The following ANGPT1 variants were observed in gnomAD, a reference collection of about 807,000 sequenced individuals.
ANGPT1 encodes the protein angiopoietin-1.
A neutral mutation model predicts 62.2 loss-of-function variants in ANGPT1; 17 were observed. The ratio of observed to expected loss-of-function variants is 0.27; its 90% CI spans 0.19 to 0.41. ANGPT1 has a LOEUF of 0.41. Among genes scored for constraint, ANGPT1 ranks in the 10% least tolerant of loss-of-function variants. The pLI is 1.00. For missense variants in ANGPT1, 478 were observed against 594.9 expected (o/e 0.80, Z 2.04); for synonymous variants, 199 against 198.9 (o/e 1.00, Z 0.00).
intron 4 of ANGPT1, among the ~76,000 whole-genome samples, chr8:107,306,582 G>A (rs1345156306): frequency 6.6e-6 from 1 of 151,980 alleles, no homozygotes; most frequent in East Asian, 1.9e-4. Flanking sequence ...TATAAAACTG[G>A]ACACCTAGGA....
chr8:107,380,584 T>A (rs1816618000), intron 1 of ANGPT1, among the ~76,000 whole-genome samples: 1 of 152,178 alleles, frequency 6.6e-6, no homozygotes. Flanking sequence ...ATAGCCAGTG[T>A]GAGTTCACCA....
intron 8 of ANGPT1, among the ~76,000 whole-genome samples, chr8:107,263,374 A>T (rs1249687769): frequency 1.4e-5 from 2 of 145,122 alleles, no homozygotes; most frequent in Non-Finnish European, 3.1e-5. Flanking sequence ...AAAAAAAAAA[A>T]AAAAGGAAGT....
rs1563591119 is a variant in ANGPT1, at chr8:107,370,392, GAAAGAAAGAAA to G, written c.298-23306_298-23296del. 1.2e-4 allele frequency among the ~76,000 whole-genome samples: 8 copies of G among 68,242 alleles called. 2 individuals are homozygous for G. Among genetic ancestry groups the G allele is most frequent in the African/African-American group, 3.3e-4 (8 of 24,168 alleles). 44.8% of individuals were successfully genotyped at this position (68,242 alleles called of 152,430 possible). On this transcript the variant is annotated intron_variant, in intron 1 of 8. Transcript: ENST00000517746. ...AGAAAGAAAGAAAGAAAGAAAGAAA[GAAAGAAAGAAA>G]GAAAGAGTCAGGGTCAGTGGCTCAG... is the stretch of plus-strand genomic sequence containing the variant.
At chr8:107,438,357 G>T (rs926766104) in intron 1 of ANGPT1, among the ~76,000 whole-genome samples, 15 of 150,770 alleles carry the variant, frequency 9.9e-5, no homozygotes, top group Admixed American at 7.3e-4. Context: ...GGGTCTTTTT[G>T]TCATTTGATA....
intron 1 of ANGPT1, among the ~76,000 whole-genome samples, chr8:107,466,413 T>G (rs1200871610): frequency 6.6e-6 from 1 of 151,890 alleles, no homozygotes; most frequent in South Asian, 2.1e-4. Flanking sequence ...TAATTTCTGG[T>G]TTTCCAACTA....
chr8:107,360,623 C>A (rs1025346187), intron 1 of ANGPT1, among the ~76,000 whole-genome samples: 4 of 152,086 alleles, frequency 2.6e-5, no homozygotes, highest in Non-Finnish European at 5.9e-5. Flanking sequence ...TTATCCACAG[C>A]CCATACCTCT....
At chr8:107,398,097 T>A (rs1344447243) in intron 1 of ANGPT1, among the ~76,000 whole-genome samples, 1 of 152,102 alleles carries the variant, frequency 6.6e-6, no homozygotes, top group Non-Finnish European at 1.5e-5. Flanking sequence ...GGGATAGAAG[T>A]GTTAAGTATC....
chr8:107,296,159 G>T (rs927790363), intron 5 of ANGPT1, among the ~76,000 whole-genome samples: 46 of 152,248 alleles, frequency 3.0e-4, no homozygotes, highest in African/African-American at 1.1e-3. Flanking sequence ...AATAAGTAAA[G>T]AAAAAGGTGG....
At chr8:107,451,316 G>GAC (rs138970014) in intron 1 of ANGPT1, among the ~76,000 whole-genome samples, 29,154 of 148,898 alleles carry the variant, frequency 0.2, 3,057 homozygotes, top group East Asian at 0.51. Flanking sequence ...ATACATAACA[G>GAC]ACACACACAC....
intron 5 of ANGPT1, 154 bp from the exon 6 acceptor site, chr8:107,294,191 GTTA>G (rs1814354660): frequency 2.1e-6 from 1 of 472,790 alleles, no homozygotes; most frequent in Non-Finnish European, 3.7e-6. Context: ...TATATTATTG[GTTA>G]TTTCTTCCTC....
At chr8:107,300,044 T>C (rs1487939385) in intron 5 of ANGPT1, among the ~76,000 whole-genome samples, 3 of 142,918 alleles carry the variant, frequency 2.1e-5, no homozygotes. Context: ...GATATAACTA[T>C]ATATATAGTT....
chr8:107,376,093 A>G (rs994084169), intron 1 of ANGPT1, among the ~76,000 whole-genome samples: 2 of 152,116 alleles, frequency 1.3e-5, no homozygotes, highest in African/African-American at 4.8e-5. Flanking sequence ...GCACTTCATG[A>G]GTATGTAACT....
chr8:107,284,890 A>G (rs963856874), intron 6 of ANGPT1, 42 bp from the exon 7 acceptor site: 1 of 1,377,902 alleles, frequency 7.3e-7, no homozygotes. Context: ...TTTAGAGAGG[A>G]ATTCTTTTCA....
rs569951889 is a variant in ANGPT1 at position 107,419,224 on chromosome 8, C to A, written c.298-72127G>T. 2.0e-5 allele frequency among the ~76,000 whole-genome samples: 3 copies of A among 152,206 alleles called. No individual in the cohort carries two copies. In the South Asian group the frequency reaches 6.2e-4, roughly 32 times the overall value. The stretch of plus-strand genomic sequence containing the variant: ...AGCTTCTAGCCATTTGAGGAAACAG[C>A]AGAAGCAAGAAGGTTTCTCTGACCT... On this transcript the variant is annotated intron_variant, in intron 1 of 8. Coordinates refer to ENST00000517746, the MANE Select transcript of ANGPT1 (RefSeq NM_001146.5).
At chr8:107,306,387 C>G (rs1586207297) in intron 4 of ANGPT1, among the ~76,000 whole-genome samples, 3 of 152,102 alleles carry the variant, frequency 2.0e-5, no homozygotes, top group African/African-American at 7.2e-5. Flanking sequence ...CAGGCAATCT[C>G]ATCTTGCTGT....
In ANGPT1 at chr8:107,476,642, T is replaced by C. The variant is rs112897953; in HGVS notation, c.297+20620A>G. Among the ~76,000 whole-genome samples the C allele has an allele frequency of 3.3e-3, 502 of 152,238 alleles. 5 individuals carry two copies. The highest frequency in any genetic ancestry group is 0.011 in the African/African-American group (474 of 41,556). Reference sequence around the variant, plus strand: ...GCACCTTAGGATCGTCGTTTCCTCCTCACATTTAGAAAAATGAGAATGGAA... The same window carrying C: ...GCACCTTAGGATCGTCGTTTCCTCCCCACATTTAGAAAAATGAGAATGGAA... On this transcript the variant is annotated intron_variant, in intron 1 of 8. Coordinates refer to ENST00000517746, the MANE Select transcript of ANGPT1 (RefSeq NM_001146.5).
In ANGPT1 at chr8:107,494,720, C is replaced by G. The variant is rs1813048435; in HGVS notation, c.297+2542G>C. 1.3e-5 allele frequency: 2 copies of G among 152,070 alleles called. 1 individual carries two copies. The highest frequency in any genetic ancestry group is 4.1e-4 in the South Asian group (2 of 4,830). 9.4% of individuals were successfully genotyped at this position (152,070 alleles called of 1,614,324 possible). ...CTTCTCATCCTGTTCAGTTGCAAGA[C>G]CAGAAAAGTTGAGGAAGGAGGTTTC... On this transcript the variant is annotated intron_variant, in intron 1 of 8. Transcript: ENST00000517746.
intron 7 of ANGPT1, among the ~76,000 whole-genome samples, chr8:107,270,307 G>C (rs76329889): frequency 6.6e-6 from 1 of 152,014 alleles, no homozygotes; most frequent in Non-Finnish European, 1.5e-5. Context: ...AGACAGACTC[G>C]CAGATATCTG....
intron 1 of ANGPT1, among the ~76,000 whole-genome samples, chr8:107,472,575 A>C (rs1812392462): frequency 6.6e-6 from 1 of 152,130 alleles, no homozygotes; most frequent in African/African-American, 2.4e-5. Context: ...ATAATTTGTT[A>C]AACATATTCT....
Sources: allele counts gnomAD v4.1 joint callset (sites outside exome capture counted in the v4.1 genomes callset), GRCh38; gene constraint gnomAD v4.1.1; transcripts MANE v1.5; gene names NCBI Gene and HGNC (gene_info 2026-07-23, HGNC 2026-07-21).